MEIKIN: variants seen among roughly 807,000 people sequenced by gnomAD.
The protein encoded by MEIKIN is meiotic kinetochore factor.
intron 8 of MEIKIN, among the ~76,000 whole-genome samples, chr5:131,880,504 A>T (rs1183024320): frequency 6.6e-6 from 1 of 152,082 alleles, no homozygotes; most frequent in East Asian, 1.9e-4. Context: ...GGCCTCCCAA[A>T]GCACTGGGAT....
chr5:131,916,646 C>T (rs1248694092), intron 7 of MEIKIN, among the ~76,000 whole-genome samples: 1 of 152,182 alleles, frequency 6.6e-6, no homozygotes, highest in South Asian at 2.1e-4. Flanking sequence ...TTGACTATCC[C>T]TCTTGAATTT....
At chr5:131,872,156 T>C (rs1750515985) in intron 9 of MEIKIN, among the ~76,000 whole-genome samples, 1 of 152,140 alleles carries the variant, frequency 6.6e-6, no homozygotes, top group Non-Finnish European at 1.5e-5. Flanking sequence ...GAGAATGACT[T>C]TGACGAGTTG....
chr5:131,916,534 G>A (rs911462759), intron 7 of MEIKIN, among the ~76,000 whole-genome samples: 1 of 152,158 alleles, frequency 6.6e-6, no homozygotes, highest in African/African-American at 2.4e-5. Context: ...GTTTTCATTT[G>A]TGTTCCCTCA....
At chr5:131,924,440 A>G (rs1317854144) in intron 5 of MEIKIN, among the ~76,000 whole-genome samples, 1 of 152,118 alleles carries the variant, frequency 6.6e-6, no homozygotes, top group East Asian at 1.9e-4. Context: ...TCCCACCAAC[A>G]GTGTACAAGG....
chr5:131,843,215 C>T (rs1749949400), intron 11 of MEIKIN, among the ~76,000 whole-genome samples: 1 of 152,220 alleles, frequency 6.6e-6, no homozygotes, highest in African/African-American at 2.4e-5. Flanking sequence ...GGCCTCCAGG[C>T]CTGTGATGGG....
intron 9 of MEIKIN, among the ~76,000 whole-genome samples, chr5:131,862,291 G>A (rs779812760): frequency 8.1e-4 from 123 of 152,130 alleles, no homozygotes; most frequent in Non-Finnish European, 6.0e-4. Context: ...CAGTAGTAAC[G>A]TCTCCTTTTT....
chr5:131,831,595 C>A (rs1032398735), intron 11 of MEIKIN, among the ~76,000 whole-genome samples: 6 of 152,074 alleles, frequency 3.9e-5, no homozygotes, highest in Non-Finnish European at 2.9e-5. Flanking sequence ...GTCAATAAAT[C>A]CTCCTACACT....
intron 9 of MEIKIN, among the ~76,000 whole-genome samples, chr5:131,870,361 C>A (rs1368262639): frequency 6.6e-6 from 1 of 152,114 alleles, no homozygotes; most frequent in Non-Finnish European, 1.5e-5. Flanking sequence ...TTCTATGATA[C>A]TATGTTCTGT....
At chr5:131,907,833 C>G (rs571493149) in intron 8 of MEIKIN, among the ~76,000 whole-genome samples, 49 of 152,098 alleles carry the variant, frequency 3.2e-4, no homozygotes, top group Non-Finnish European at 5.6e-4. Flanking sequence ...GATTGTGCCA[C>G]TGCACTCCAA....
At chr5:131,867,196 A>G (rs1278707095) in intron 9 of MEIKIN, among the ~76,000 whole-genome samples, 2 of 152,218 alleles carry the variant, frequency 1.3e-5, no homozygotes, top group African/African-American at 4.8e-5. Flanking sequence ...GACTTTTTAA[A>G]AAAAATTAAT....
chr5:131,925,248 T>G (rs967195158), intron 5 of MEIKIN, among the ~76,000 whole-genome samples: 36 of 152,340 alleles, frequency 2.4e-4, no homozygotes, highest in African/African-American at 8.2e-4. Context: ...TCAAGATTGT[T>G]TTGGCTATTT....
At chr5:131,831,775 G>C (rs1000834807) in intron 11 of MEIKIN, among the ~76,000 whole-genome samples, 5 of 152,108 alleles carry the variant, frequency 3.3e-5, no homozygotes, top group Admixed American at 1.3e-4. Flanking sequence ...GAGGTGAAAG[G>C]CACTTCTTAC....
rs540788995 is a variant in MEIKIN at position 131,939,600 on chromosome 5, C to T, written c.349+3035G>A. Reference sequence around the variant, plus strand: ...ATAAAATCCTTAATTAATTTTTCAACGTGTTATAAAGTTACTAGATTCCAA... The same window carrying T: ...ATAAAATCCTTAATTAATTTTTCAATGTGTTATAAAGTTACTAGATTCCAA... On this transcript the variant is annotated intron_variant, in intron 4 of 12. Coordinates refer to ENST00000442687, the MANE Select transcript of MEIKIN (RefSeq NM_001303622.2). Among the ~76,000 whole-genome samples, 12 of 152,134 alleles carry T rather than the reference C, an allele frequency of 7.9e-5. No individual in the cohort carries two copies. The South Asian group carries it at 2.3e-3, about 29-fold the overall frequency.
At chr5:131,820,007 C>T (rs1423851239) in intron 11 of MEIKIN, among the ~76,000 whole-genome samples, 1 of 148,468 alleles carries the variant, frequency 6.7e-6, no homozygotes, top group East Asian at 2.0e-4. Context: ...GATCTCCTGA[C>T]CTCGTGATCC....
intron 11 of MEIKIN, among the ~76,000 whole-genome samples, chr5:131,850,691 A>C (rs1296478272): frequency 6.6e-6 from 1 of 152,116 alleles, no homozygotes; most frequent in Non-Finnish European, 1.5e-5. Flanking sequence ...TGGATCAATG[A>C]CCTAAATACA....
intron 5 of MEIKIN, among the ~76,000 whole-genome samples, chr5:131,931,986 T>C (rs1751699713): frequency 6.6e-6 from 1 of 152,220 alleles, no homozygotes; most frequent in African/African-American, 2.4e-5. Flanking sequence ...TTGGCTTCAC[T>C]GTAGGGTCTT....
intron 5 of MEIKIN, among the ~76,000 whole-genome samples, chr5:131,923,396 C>A (rs988446161): frequency 1.3e-5 from 2 of 151,852 alleles, no homozygotes; most frequent in South Asian, 4.2e-4. Context: ...TAATAATTTT[C>A]TTCCCTTTTT....
chr5:131,837,540 T>C (rs972230653), intron 11 of MEIKIN, among the ~76,000 whole-genome samples: 3 of 152,178 alleles, frequency 2.0e-5, no homozygotes, highest in African/African-American at 7.2e-5. Flanking sequence ...CTTTGAGCAG[T>C]GGCTTGTAGT....
chr5:131,904,692 G>A (rs1257401804), intron 8 of MEIKIN, among the ~76,000 whole-genome samples: 4 of 152,192 alleles, frequency 2.6e-5, no homozygotes, highest in African/African-American at 7.2e-5. Context: ...ACATGCACAC[G>A]TATGCTTATT....
Sources: allele counts gnomAD v4.1 joint callset (sites outside exome capture counted in the v4.1 genomes callset), GRCh38; gene constraint gnomAD v4.1.1; transcripts MANE v1.5; gene names NCBI Gene and HGNC (gene_info 2026-07-23, HGNC 2026-07-21).